Variants in MYO6 observed in about 807,000 individuals in gnomAD.
The protein encoded by MYO6 is unconventional myosin-VI.
A neutral mutation model predicts 178.7 loss-of-function variants in MYO6; 74 were observed. The ratio of observed to expected loss-of-function variants is 0.41; its 90% CI spans 0.34 to 0.50. The LOEUF (loss-of-function observed/expected upper bound fraction) is 0.50. Among genes scored for constraint, MYO6 ranks in the 20% least tolerant of loss-of-function variants. MYO6 has a pLI of 0.09. For synonymous variants in MYO6, 477 were observed against 504.6 expected, an observed-to-expected ratio of 0.95 and a Z score of 0.73; for missense variants, 1,330 against 1,547.4, an observed-to-expected ratio of 0.86 and a Z score of 2.36.
chr6:75,855,053 A>T, intron 11 of MYO6, 86 bp from the exon 12 acceptor site: 1 of 1,211,758 alleles, frequency 8.3e-7, no homozygotes, highest in Non-Finnish European at 1.2e-6. Flanking sequence ...GGTTTTTTGT[A>T]AGTGAAGTAT....
intron 1 of MYO6, among the ~76,000 whole-genome samples, chr6:75,787,429 CACA>C: frequency 6.6e-6 from 1 of 152,000 alleles, no homozygotes; most frequent in Non-Finnish European, 1.5e-5. Flanking sequence ...TACTGACAGC[CACA>C]ACAACATGCA....
intron 26 of MYO6, among the ~76,000 whole-genome samples, chr6:75,890,697 T>A (rs189145490): frequency 5.4e-4 from 83 of 152,326 alleles, no homozygotes; most frequent in African/African-American, 1.9e-3. Context: ...TGTAATAAGT[T>A]TGAAAATTGA....
At chr6:75,817,393 G>A in intron 1 of MYO6, 108 bp from the exon 2 acceptor site, 1 of 691,744 alleles carries the variant, frequency 1.4e-6, no homozygotes. Context: ...ATGGGCAGAT[G>A]TGTTTGTTAG....
chr6:75,886,573 A>G (rs1253538228), intron 24 of MYO6, among the ~76,000 whole-genome samples: 1 of 152,168 alleles, frequency 6.6e-6, no homozygotes, highest in Non-Finnish European at 1.5e-5. Context: ...ATCTCTATTG[A>G]TCCATCACAC....
rs376562219 is a variant in MYO6 at position 75,862,707 on chromosome 6, A to T, written c.1658A>T (p.Asp553Val). The change falls in exon 16 of 35, where the codon GAT (aspartate) becomes GTT (valine). Residue 553 changes from aspartate (D) to valine (V), a missense_variant. Coordinates refer to ENST00000369977, the MANE Select transcript of MYO6 (RefSeq NM_004999.4). ...FTSAVHQKHK[D>V]HFRLTIPRKS... ...TCTGCAGTTCACCAAAAGCACAAGG[A>T]TCATTTTCGACTCACTGTGAGTTTT... 14 of 1,614,002 alleles carry T rather than the reference A, an allele frequency of 8.7e-6. No individual in the cohort carries two copies. The African/African-American group carries it at 1.9e-4, about 22-fold the overall frequency.
chr6:75,818,553 G>A (rs1490713291), intron 2 of MYO6, among the ~76,000 whole-genome samples: 1 of 152,078 alleles, frequency 6.6e-6, no homozygotes, highest in Non-Finnish European at 1.5e-5. Flanking sequence ...AAATTTTGTA[G>A]GTGTCATTTC....
At chr6:75,787,730 CTATATATATATA>C (rs1172801367) in intron 1 of MYO6, among the ~76,000 whole-genome samples, 21 of 11,660 alleles carry the variant, frequency 1.8e-3, no homozygotes, top group East Asian at 6.6e-3. Flanking sequence ...CTCTCTCTCT[CTATATATATATA>C]TATATATATA....
intron 24 of MYO6, among the ~76,000 whole-genome samples, chr6:75,886,330 G>C (rs999585779): frequency 2.0e-5 from 3 of 152,110 alleles, no homozygotes; most frequent in Admixed American, 6.5e-5. Flanking sequence ...AATGTGTAAA[G>C]ACTATAAAAC....
At chr6:75,807,175 T>G (rs1770189234) in intron 1 of MYO6, among the ~76,000 whole-genome samples, 1 of 152,248 alleles carries the variant, frequency 6.6e-6, no homozygotes, top group South Asian at 2.1e-4. Context: ...CTTACTGCTT[T>G]GAGTGTTGTT....
At chr6:75,750,353 C>T (rs1403930474) in intron 1 of MYO6, among the ~76,000 whole-genome samples, 1 of 151,986 alleles carries the variant, frequency 6.6e-6, no homozygotes, top group African/African-American at 2.4e-5. Flanking sequence ...CCTCGGTCTC[C>T]CAAAGTGCTG....
intron 18 of MYO6, among the ~76,000 whole-genome samples, chr6:75,870,361 C>T (rs751119951): frequency 6.6e-6 from 1 of 152,180 alleles, no homozygotes; most frequent in Non-Finnish European, 1.5e-5. Flanking sequence ...ATTTTTTCCT[C>T]ATTCATTCCA....
intron 12 of MYO6, among the ~76,000 whole-genome samples, chr6:75,856,227 G>T (rs1309110082): frequency 1.3e-5 from 2 of 152,084 alleles, no homozygotes; most frequent in African/African-American, 4.8e-5. Context: ...TGGTTCTCAG[G>T]CATTGCTTCC....
chr6:75,750,463 G>C (rs1776780059), intron 1 of MYO6, among the ~76,000 whole-genome samples: 1 of 151,196 alleles, frequency 6.6e-6, no homozygotes, highest in Admixed American at 6.6e-5. Context: ...TGATTTACAA[G>C]TATTAGTGAG....
chr6:75,759,243 G>A (rs1162300784), intron 1 of MYO6, among the ~76,000 whole-genome samples: 2 of 152,164 alleles, frequency 1.3e-5, no homozygotes, highest in Non-Finnish European at 1.5e-5. Context: ...ATAATGTGCT[G>A]TTGAATAATC....
chr6:75,866,684 A>G, intron 17 of MYO6, 63 bp downstream of exon 17: 1 of 1,363,586 alleles, frequency 7.3e-7, no homozygotes, highest in African/African-American at 1.4e-5. Context: ...ACAGTATGAT[A>G]GCTTCTAGTC....
At chr6:75,885,777 G>C (rs1778384944) in intron 23 of MYO6, among the ~76,000 whole-genome samples, 1 of 152,064 alleles carries the variant, frequency 6.6e-6, no homozygotes, top group Non-Finnish European at 1.5e-5. Flanking sequence ...GGTGGAGGTT[G>C]CAATGAGCCA....
intron 25 of MYO6, among the ~76,000 whole-genome samples, 177 bp downstream of exon 25, chr6:75,887,171 A>C (rs1476386010): frequency 1.3e-5 from 2 of 152,116 alleles, no homozygotes; most frequent in Non-Finnish European, 2.9e-5. Context: ...TGTTTGAAAA[A>C]TTTCATAGCA....
chr6:75,782,636 T>G (rs1342757758), intron 1 of MYO6, among the ~76,000 whole-genome samples: 1 of 152,238 alleles, frequency 6.6e-6, no homozygotes. Flanking sequence ...ACACTTTTCA[T>G]TCTTGCTCTG....
intron 1 of MYO6, among the ~76,000 whole-genome samples, chr6:75,809,585 T>C (rs967043484): frequency 6.6e-6 from 1 of 152,128 alleles, no homozygotes; most frequent in African/African-American, 2.4e-5. Context: ...GAAGACATAA[T>C]ACGTGGAAGG....
Sources: allele counts gnomAD v4.1 joint callset (sites outside exome capture counted in the v4.1 genomes callset), GRCh38; gene constraint gnomAD v4.1.1; transcripts MANE v1.5; gene names NCBI Gene and HGNC (gene_info 2026-07-23, HGNC 2026-07-21).